Variants in VPS13D observed in about 807,000 individuals in gnomAD.
The protein encoded by VPS13D is vacuolar protein sorting 13 homolog D, also known as intermembrane lipid transfer protein VPS13D.
A neutral mutation model predicts 461.9 loss-of-function variants in VPS13D; 187 were observed. That is an observed-to-expected ratio of 0.40 (90% CI 0.36 to 0.46). The LOEUF is 0.46. Ranked by LOEUF, VPS13D falls within the 20% of genes least tolerant of loss-of-function variation. VPS13D has a pLI of 0.60. For missense variants in VPS13D, 4,711 were observed against 5,364.9 expected (o/e 0.88, Z 3.81); for synonymous variants, 1,951 against 1,986.3 (o/e 0.98, Z 0.47).
rs115799758 is a variant in VPS13D at position 12,402,062 on chromosome 1, A to T, written c.11881+358A>T. ...CATTTAGCAAACCATTTTGTTTCCT[A>T]ACCTTTGTTTCTTAAACAGACTCCA... On this transcript the variant is annotated intron_variant, in intron 62 of 69. Coordinates refer to ENST00000620676, the MANE Select transcript of VPS13D (RefSeq NM_015378.4). Among the ~76,000 whole-genome samples the T allele has an allele frequency of 5.9e-3, 896 of 152,338 alleles. 12 individuals are homozygous for T. The highest frequency in any genetic ancestry group is 0.019 in the African/African-American group (810 of 41,568).
chr1:12,369,779 T>G (rs1298615938), intron 54 of VPS13D, 77 bp downstream of exon 54: 3 of 1,366,962 alleles, frequency 2.2e-6, no homozygotes, highest in Non-Finnish European at 3.0e-6. Flanking sequence ...TTAAGCAGTT[T>G]CTTAGGAGAC....
chr1:12,322,856 C>A, intron 34 of VPS13D, 110 bp downstream of exon 34: 1 of 922,512 alleles, frequency 1.1e-6, no homozygotes, highest in Non-Finnish European at 1.6e-6. Flanking sequence ...AATTGTATGT[C>A]ATTAAGTATA....
intron 26 of VPS13D, among the ~76,000 whole-genome samples, 175 bp downstream of exon 26, chr1:12,304,903 A>G (rs983130515): frequency 6.6e-6 from 1 of 152,174 alleles, no homozygotes; most frequent in Non-Finnish European, 1.5e-5. Context: ...TTGGGTGTAG[A>G]TTTATCATTG....
At chr1:12,460,520 T>C in intron 67 of VPS13D, 124 bp downstream of exon 67, 8 of 926,126 alleles carry the variant, frequency 8.6e-6, no homozygotes, top group Non-Finnish European at 1.1e-5. Context: ...CAAATACTTG[T>C]AACTGAAATT....
intron 58 of VPS13D, among the ~76,000 whole-genome samples, chr1:12,383,860 G>A (rs762508580): frequency 1.2e-4 from 19 of 152,174 alleles, no homozygotes; most frequent in Non-Finnish European, 2.1e-4. Flanking sequence ...AATGACATAC[G>A]ATGTGGAAGT....
In VPS13D at chr1:12,234,370, A is replaced by G. The variant is rs927039182; in HGVS notation, c.97+7A>G. The G allele has an allele frequency of 1.9e-6, 3 of 1,610,280 alleles. No individual in the cohort carries two copies. Among genetic ancestry groups the G allele is most frequent in the African/African-American group, 2.7e-5 (2 of 74,788 alleles). On this transcript the variant is annotated splice_region_variant and intron_variant, in intron 2 of 69. Coordinates refer to ENST00000620676, the MANE Select transcript of VPS13D (RefSeq NM_015378.4). ...TCAGTTGCACTTCTCAAAGGTGAGT[A>G]TTTCTCTGGGTGAGATACAGCTTTA...
At chr1:12,295,330 A>G (rs1642246851) in intron 24 of VPS13D, among the ~76,000 whole-genome samples, 1 of 152,196 alleles carries the variant, frequency 6.6e-6, no homozygotes, top group African/African-American at 2.4e-5. Flanking sequence ...ATTTAAATAA[A>G]AAATGTTTGA....
chr1:12,244,919 G>A (rs1481184724), intron 5 of VPS13D, among the ~76,000 whole-genome samples: 1 of 152,152 alleles, frequency 6.6e-6, no homozygotes, highest in Non-Finnish European at 1.5e-5. Flanking sequence ...ACTTGCTCAA[G>A]GATTTATGGC....
chr1:12,309,912 C>A (rs1642685053), intron 27 of VPS13D, among the ~76,000 whole-genome samples: 1 of 152,126 alleles, frequency 6.6e-6, no homozygotes, highest in African/African-American at 2.4e-5. Flanking sequence ...ATTAATGATA[C>A]AACTTAGCTG....
At chr1:12,392,941 C>T (rs1417326439) in intron 60 of VPS13D, among the ~76,000 whole-genome samples, 13 of 152,134 alleles carry the variant, frequency 8.5e-5, no homozygotes, top group South Asian at 2.1e-4. Context: ...ATAAATGGGC[C>T]GGAGTAATAC....
intron 50 of VPS13D, among the ~76,000 whole-genome samples, chr1:12,362,213 C>T (rs967223547): frequency 2.0e-5 from 3 of 152,138 alleles, no homozygotes; most frequent in Admixed American, 6.5e-5. Context: ...GATTCTTGGG[C>T]AATGGGCTAA....
chr1:12,431,349 C>A (rs748094753), intron 65 of VPS13D, among the ~76,000 whole-genome samples: 2 of 151,656 alleles, frequency 1.3e-5, no homozygotes, highest in Non-Finnish European at 2.9e-5. Flanking sequence ...TTAAGGCCAG[C>A]CTTTAGCCCT....
intron 44 of VPS13D, among the ~76,000 whole-genome samples, chr1:12,348,456 CA>C: frequency 6.6e-6 from 1 of 152,314 alleles, no homozygotes; most frequent in South Asian, 2.1e-4. Flanking sequence ...TAATTTCCAG[CA>C]GATACTTTCT....
chr1:12,474,814 A>G (rs1045756561), intron 67 of VPS13D, among the ~76,000 whole-genome samples: 5 of 152,224 alleles, frequency 3.3e-5, no homozygotes, highest in African/African-American at 9.6e-5. Context: ...CAAGGGAGGT[A>G]GCTCTTGGGG....
intron 60 of VPS13D, among the ~76,000 whole-genome samples, chr1:12,395,418 CTG>C (rs1282884753): frequency 3.9e-5 from 6 of 152,182 alleles, no homozygotes; most frequent in Admixed American, 6.5e-5. Context: ...TCTGGTGAGG[CTG>C]TGTGTGCATC....
At position 12,311,880 on chromosome 1, in the gene VPS13D, A is replaced by G; in HGVS notation, c.6890A>G (p.Glu2297Gly). ...FLIDMVNVSL[E>G]LKDPKRKEGA... ...ATTGATATGGTGAATGTAAGTCTGG[A>G]GCTTAAAGATCCAAAAAGAAAAGAA... The change falls in exon 29 of 70, where the codon GAG becomes GGG. Residue 2297 changes from glutamate (E) to glycine (G), a missense_variant. By Grantham distance (98) the Glu-to-Gly change is moderately conservative. Transcript: ENST00000620676. 6.2e-7 allele frequency: 1 copy of G among 1,614,172 alleles called. No individual in the cohort carries two copies. Among genetic ancestry groups the G allele is most frequent in the African/African-American group, 1.3e-5 (1 of 75,052 alleles).
At position 12,507,893 on chromosome 1, in the gene VPS13D, C is replaced by G. The variant is rs550973981; in HGVS notation, c.13035+800C>G. On this transcript the variant is annotated intron_variant, in intron 69 of 69. Coordinates refer to ENST00000620676, the MANE Select transcript of VPS13D (RefSeq NM_015378.4). This position sits in a 1 kb window ranked among gnomAD's most constrained non-coding sequence, Gnocchi z 5.3. ...GTTAGTCCTGCTCATTCTCACCCGG[C>G]ATACCCGGATTTTGAAGCTTGCATT... is the stretch of plus-strand genomic sequence containing the variant. Among the ~76,000 whole-genome samples the G allele has an allele frequency of 6.6e-6, 1 of 152,252 alleles. No homozygotes were observed. The highest frequency in any genetic ancestry group is 1.5e-5 in the Non-Finnish European group (1 of 68,044).
rs572202528 is a variant in VPS13D at position 12,279,439 on chromosome 1, C to T, written c.4451-60C>T. ...GTATTTTGTATATTCTACGTTTAAT[C>T]AGCAGTAATGAAGTAAATATTAAGG... On this transcript the variant is annotated intron_variant, in intron 19 of 69. Transcript: ENST00000620676. The surrounding 1 kb of genome is among the most constrained non-coding windows in gnomAD (Gnocchi z 4.3). The T allele has an allele frequency of 9.7e-5, 144 of 1,489,016 alleles. No individual in the cohort carries two copies. The South Asian group carries it at 1.9e-3, about 20-fold the overall frequency. The allele number at this position is 1,489,016 out of a possible 1,614,324, so 92.2% of individuals were successfully genotyped here.
Position 12,345,400 on chromosome 1 carries a change from A to G in VPS13D, c.8912A>G (p.Gln2971Arg). Residue 2971 changes from glutamine (Q) to arginine (R), a missense_variant, in exon 43 of 70, where the codon CAA becomes CGA. Transcript: ENST00000620676. ...CACACCCATGACCTCCGGATTCATC[A>G]ACTGCAAGTGAGAGTAAATGGCTGG... is the stretch of plus-strand genomic sequence containing the variant. ...HRHTHDLRIHQLQVRVNGWEQ... is the reference protein window; with the variant it reads ...HRHTHDLRIHRLQVRVNGWEQ... 6.2e-7 allele frequency: 1 copy of G among 1,613,218 alleles called. No homozygotes were observed. The highest frequency in any genetic ancestry group is 8.5e-7 in the Non-Finnish European group (1 of 1,179,250).
Sources: allele counts gnomAD v4.1 joint callset (sites outside exome capture counted in the v4.1 genomes callset), GRCh38; gene constraint gnomAD v4.1.1; non-coding constraint Gnocchi (gnomAD v3.1); transcripts MANE v1.5; gene names NCBI Gene and HGNC (gene_info 2026-07-23, HGNC 2026-07-21).